The following C12orf42 variants were observed in gnomAD, a reference collection of about 807,000 sequenced individuals.
C12orf42 encodes the protein chromosome 12 open reading frame 42.
In C12orf42, 25 loss-of-function variants were observed where a neutral mutation model predicts 21.6. The observed-to-expected ratio is 1.16, with a 90% CI of 0.84 to 1.62. C12orf42 has a LOEUF of 1.62. Among genes scored for constraint, C12orf42 ranks in the 40% most tolerant of loss-of-function variants. C12orf42 has a pLI of 0.00. For synonymous variants in C12orf42, 174 were observed against 175.0 expected (o/e 0.99, Z 0.05); for missense variants, 483 against 459.3 (o/e 1.05, Z -0.47).
At chr12:103,197,334 A>G in the C12orf42 span, among the ~76,000 whole-genome samples, 1 of 152,158 alleles carries the variant, frequency 6.6e-6, no homozygotes, top group Non-Finnish European at 1.5e-5. Flanking sequence ...TTCTTTCCTC[A>G]GCTTGGTCTA....
chr12:103,370,161 A>G (rs1034243828), intron 3 of C12orf42, among the ~76,000 whole-genome samples: 4 of 152,184 alleles, frequency 2.6e-5, no homozygotes, highest in Non-Finnish European at 4.4e-5. Flanking sequence ...AGAGAAATGC[A>G]AATCAAAACC....
chr12:103,165,259 G>A, the C12orf42 span, among the ~76,000 whole-genome samples: 20 of 152,260 alleles, frequency 1.3e-4, no homozygotes, highest in East Asian at 7.7e-4. Flanking sequence ...TTCTTTATCC[G>A]CATAAGCAAA....
intron 4 of C12orf42, among the ~76,000 whole-genome samples, chr12:103,366,925 T>C (rs2044659169): frequency 6.6e-6 from 1 of 152,096 alleles, no homozygotes; most frequent in South Asian, 2.1e-4. Context: ...AGAACTACCA[T>C]TTGATTCAGC....
intron 10 of C12orf42, among the ~76,000 whole-genome samples, chr12:103,250,490 T>A (rs1345178537): frequency 2.6e-5 from 4 of 152,058 alleles, no homozygotes; most frequent in Non-Finnish European, 1.5e-5. Context: ...AAACCAACCA[T>A]CATGGCCACT....
chr12:103,347,337 G>A (rs2042717380), intron 4 of C12orf42, among the ~76,000 whole-genome samples: 1 of 152,056 alleles, frequency 6.6e-6, no homozygotes, highest in South Asian at 2.1e-4. Context: ...AGTTTGCTGA[G>A]AATGGTGGTT....
chr12:103,232,276 T>C, the C12orf42 span, among the ~76,000 whole-genome samples: 1 of 152,222 alleles, frequency 6.6e-6, no homozygotes, highest in African/African-American at 2.4e-5. Flanking sequence ...CTCTTTATAG[T>C]ATCTTTAGCA....
chr12:103,382,364 A>G (rs1773952956), intron 3 of C12orf42, among the ~76,000 whole-genome samples: 1 of 152,210 alleles, frequency 6.6e-6, no homozygotes, highest in African/African-American at 2.4e-5. Flanking sequence ...TTGGAGATTC[A>G]TGGAGATTAT....
chr12:103,487,635 G>A (rs925998772), intron 1 of C12orf42, among the ~76,000 whole-genome samples: 1 of 152,168 alleles, frequency 6.6e-6, no homozygotes, highest in African/African-American at 2.4e-5. Context: ...GAATCTGGTT[G>A]CTCCTGCATT....
At chr12:103,470,716 T>C (rs1953531339) in intron 2 of C12orf42, among the ~76,000 whole-genome samples, 1 of 152,186 alleles carries the variant, frequency 6.6e-6, no homozygotes, top group African/African-American at 2.4e-5. Flanking sequence ...CTTGGAGATA[T>C]TAGCCAACCT....
At chr12:103,190,988 A>T in the C12orf42 span, among the ~76,000 whole-genome samples, 1 of 152,132 alleles carries the variant, frequency 6.6e-6, no homozygotes, top group Non-Finnish European at 1.5e-5. Context: ...TCAAAGACAA[A>T]GGTAATTTTA....
chr12:103,532,794 C>G, the C12orf42 span, among the ~76,000 whole-genome samples: 37,517 of 151,956 alleles, frequency 0.25, 4,761 homozygotes, highest in East Asian at 0.4. Flanking sequence ...ATGAAATATA[C>G]AAAAATGAGG....
At chr12:103,189,529 G>T in the C12orf42 span, among the ~76,000 whole-genome samples, 2 of 152,224 alleles carry the variant, frequency 1.3e-5, no homozygotes, top group East Asian at 3.8e-4. Flanking sequence ...ATTGAAGAGT[G>T]TAGGAAGGAC....
chr12:103,527,347 C>T, the C12orf42 span, among the ~76,000 whole-genome samples: 1 of 152,010 alleles, frequency 6.6e-6, no homozygotes, highest in African/African-American at 2.4e-5. Flanking sequence ...TCATTTGTCC[C>T]CTCCAAATCT....
At chr12:103,470,177 G>A (rs1417436079) in intron 2 of C12orf42, among the ~76,000 whole-genome samples, 2 of 152,310 alleles carry the variant, frequency 1.3e-5, no homozygotes, top group East Asian at 3.9e-4. Context: ...AGGCGGAGGA[G>A]ACTTTTAACT....
At chr12:103,308,813 T>TG (rs1207456112) in intron 4 of C12orf42, among the ~76,000 whole-genome samples, 1 of 152,196 alleles carries the variant, frequency 6.6e-6, no homozygotes, top group African/African-American at 2.4e-5. Flanking sequence ...TAAGCTAAAA[T>TG]GGTGGTCCTT....
intron 2 of C12orf42, among the ~76,000 whole-genome samples, chr12:103,426,993 A>G (rs993804267): frequency 1.3e-5 from 2 of 152,216 alleles, no homozygotes; most frequent in African/African-American, 4.8e-5. Flanking sequence ...AGTACCAGCC[A>G]CTGCAAAAAC....
the C12orf42 span, among the ~76,000 whole-genome samples, chr12:103,220,005 C>A: frequency 6.6e-6 from 1 of 152,124 alleles, no homozygotes; most frequent in African/African-American, 2.4e-5. Flanking sequence ...AGACTTGGAA[C>A]CAACCCAAAT....
intron 1 of C12orf42, among the ~76,000 whole-genome samples, chr12:103,486,686 T>C (rs1377070915): frequency 1.3e-5 from 2 of 152,194 alleles, no homozygotes; most frequent in African/African-American, 2.4e-5. Flanking sequence ...GGTTTAGTCT[T>C]GGGAGGGTGT....
intron 4 of C12orf42, among the ~76,000 whole-genome samples, chr12:103,345,934 A>C (rs1364091987): frequency 1.3e-5 from 2 of 152,208 alleles, no homozygotes; most frequent in Non-Finnish European, 2.9e-5. Context: ...AAGCCTTCAA[A>C]GCAATGATAA....
Sources: allele counts gnomAD v4.1 joint callset (sites outside exome capture counted in the v4.1 genomes callset), GRCh38; gene constraint gnomAD v4.1.1; transcripts MANE v1.5; gene names NCBI Gene and HGNC (gene_info 2026-07-23, HGNC 2026-07-21).